ATAD2: variants seen among roughly 807,000 people sequenced by gnomAD.
The protein encoded by ATAD2 is ATPase family AAA domain-containing protein 2.
Under a neutral mutation model 168.9 loss-of-function variants are expected in ATAD2, and 62 were observed. The ratio of observed to expected loss-of-function variants is 0.37; its 90% confidence interval spans 0.30 to 0.45. The LOEUF is 0.45. Among genes scored for constraint, ATAD2 ranks in the 20% least tolerant of loss-of-function variants. ATAD2 has a pLI of 1.00. For missense variants in ATAD2, 1,419 were observed against 1,667.8 expected (o/e 0.85, Z 2.60); for synonymous variants, 613 against 571.6 (o/e 1.07, Z -1.03).
intron 19 of ATAD2, among the ~76,000 whole-genome samples, chr8:123,343,373 A>T (rs1335878204): frequency 2.0e-5 from 3 of 152,108 alleles, no homozygotes; most frequent in African/African-American, 7.2e-5. Flanking sequence ...TCTCCACAAT[A>T]ATAGTTAGTA....
chr8:123,387,989 G>A (rs929186164), intron 1 of ATAD2, among the ~76,000 whole-genome samples: 2 of 152,086 alleles, frequency 1.3e-5, no homozygotes, highest in Admixed American at 6.6e-5. Flanking sequence ...TCTAATACAT[G>A]ATATACATGT....
chr8:123,320,851 T>C lies in ATAD2; in HGVS notation c.*283A>G, dbSNP rs1253732141. 3 of 329,620 alleles carry C rather than the reference T, an allele frequency of 9.1e-6. No individual in the cohort carries two copies. Among genetic ancestry groups the C allele is most frequent in the African/African-American group, 6.5e-5 (3 of 46,080 alleles). The allele number at this position is 329,620 out of a possible 1,614,324, so 20.4% of individuals were successfully genotyped here. On this transcript the variant is annotated 3_prime_UTR_variant, in exon 28 of 28. Coordinates refer to ENST00000287394, the MANE Select transcript of ATAD2 (RefSeq NM_014109.4). ...AATTATTCTTAAGTGCCATAAAACA[T>C]TAGTTACCAAAATAACTTTATTAAG...
chr8:123,404,462 T>A (rs1015267009), intron 1 of ATAD2, among the ~76,000 whole-genome samples: 2 of 152,124 alleles, frequency 1.3e-5, no homozygotes, highest in Admixed American at 6.5e-5. Context: ...CTTCGGAGTT[T>A]CTTGGCTTGT....
At chr8:123,394,632 C>T (rs1741762591) in intron 1 of ATAD2, among the ~76,000 whole-genome samples, 1 of 151,418 alleles carries the variant, frequency 6.6e-6, no homozygotes, top group African/African-American at 2.4e-5. Flanking sequence ...GAGACTCTGT[C>T]TCGAAGAAAA....
At chr8:123,410,351 C>T (rs1481499956) in intron 1 of ATAD2, among the ~76,000 whole-genome samples, 2 of 152,002 alleles carry the variant, frequency 1.3e-5, no homozygotes, top group African/African-American at 4.8e-5. Flanking sequence ...CAATGGTGTA[C>T]TCTCAGCTCA....
chr8:123,326,547 A>G (rs1356775377), intron 25 of ATAD2, among the ~76,000 whole-genome samples: 1 of 151,992 alleles, frequency 6.6e-6, no homozygotes, highest in Non-Finnish European at 1.5e-5. Context: ...GCATGGTGGT[A>G]CATGCCTATA....
At chr8:123,385,304 TAA>T (rs140460459) in intron 1 of ATAD2, among the ~76,000 whole-genome samples, 1,814 of 152,118 alleles carry the variant, frequency 0.012, 39 homozygotes, top group African/African-American at 0.042. Context: ...AAATGCAAAT[TAA>T]AAGAGAGAAA....
At chr8:123,358,623 G>A (rs554596535) in intron 11 of ATAD2, among the ~76,000 whole-genome samples, 6 of 152,004 alleles carry the variant, frequency 3.9e-5, no homozygotes, top group African/African-American at 1.4e-4. Flanking sequence ...TGGGATTACA[G>A]GCATAAGCCA....
At chr8:123,373,788 CAAAA>C (rs11285869) in intron 2 of ATAD2, among the ~76,000 whole-genome samples, 7 of 72,864 alleles carry the variant, frequency 9.6e-5, no homozygotes, top group Admixed American at 1.6e-4. Context: ...CACCTCGCCT[CAAAA>C]AAAAAAAAAA....
At chr8:123,329,080 C>T (rs992088168) in intron 24 of ATAD2, among the ~76,000 whole-genome samples, 4 of 152,030 alleles carry the variant, frequency 2.6e-5, no homozygotes, top group Non-Finnish European at 5.9e-5. Flanking sequence ...GGATTACAAG[C>T]GTGAGCCACC....
intron 1 of ATAD2, among the ~76,000 whole-genome samples, chr8:123,392,680 G>C (rs1031694495): frequency 7.2e-5 from 11 of 151,966 alleles, no homozygotes; most frequent in African/African-American, 2.4e-4. Flanking sequence ...AGTATTTCCA[G>C]CAGAGGTATA....
chr8:123,334,438 C>T, intron 22 of ATAD2, 116 bp from the exon 23 acceptor site: 1 of 969,698 alleles, frequency 1.0e-6, no homozygotes, highest in Non-Finnish European at 1.4e-6. Flanking sequence ...TGACTTTTAC[C>T]AAGAATAGTC....
At chr8:123,350,866 A>G (rs578050481) in intron 13 of ATAD2, among the ~76,000 whole-genome samples, 1 of 151,038 alleles carries the variant, frequency 6.6e-6, no homozygotes, top group African/African-American at 2.4e-5. Flanking sequence ...CTGGGACTAC[A>G]GGCGCCCGCT....
upstream of ATAD2, among the ~76,000 whole-genome samples, chr8:123,399,806 A>G (rs962307314): frequency 6.6e-6 from 1 of 151,844 alleles, no homozygotes; most frequent in African/African-American, 2.4e-5. Context: ...GTGAGCCGAG[A>G]TTACGCCATT....
chr8:123,325,534 C>T (rs2131274366), intron 26 of ATAD2, among the ~76,000 whole-genome samples: 1 of 152,188 alleles, frequency 6.6e-6, no homozygotes, highest in Non-Finnish European at 1.5e-5. Context: ...GATCCGCCCA[C>T]CTCAGCCTCC....
intron 25 of ATAD2, among the ~76,000 whole-genome samples, chr8:123,327,511 TAAA>T (rs3082714): frequency 7.0e-6 from 1 of 142,438 alleles, no homozygotes. Context: ...TATCAGCCAC[TAAA>T]AAAAAAAAAG....
At chr8:123,392,974 G>A (rs912834279) in intron 1 of ATAD2, among the ~76,000 whole-genome samples, 2 of 152,092 alleles carry the variant, frequency 1.3e-5, no homozygotes, top group African/African-American at 2.4e-5. Context: ...CATGAAGTCA[G>A]GAGATCGAGA....
chr8:123,377,313 AT>A (rs1829348937), intron 2 of ATAD2, among the ~76,000 whole-genome samples: 1 of 151,944 alleles, frequency 6.6e-6, no homozygotes, highest in African/African-American at 2.4e-5. Context: ...AATTCAATAT[AT>A]TTTAGAAATA....
rs759802668 is a variant in ATAD2, at chr8:123,326,025, T to A, written c.3870A>T (p.Glu1290Asp). 1.1e-5 allele frequency: 17 copies of A among 1,612,782 alleles called. 1 individual carries two copies. In the East Asian group the frequency reaches 3.8e-4, roughly 36 times the overall value. ...CTCGAGTCATTCGCAGAACACACAT[T>A]TCTAGAATGAAAAATCAAATGATTA... ...IHISDENEGKEMCVLRMTRAR... is the reference protein window; with the variant it reads ...IHISDENEGKDMCVLRMTRAR... Residue 1290 changes from glutamate to aspartate, a missense_variant and splice_region_variant, in exon 26 of 28, where the codon GAA becomes GAT. Physicochemically the swap from Glu to Asp is conservative, Grantham distance 45 (BLOSUM62 2). Around this residue, in one of 5 missense-constraint regions of ATAD2, gnomAD observed 303 missense variants for 304.3 expected, o/e 1.00. Transcript: ENST00000287394.
Sources: allele counts gnomAD v4.1 joint callset (sites outside exome capture counted in the v4.1 genomes callset), GRCh38; gene constraint gnomAD v4.1.1; regional missense constraint gnomAD v4.1.1; transcripts MANE v1.5; gene names NCBI Gene and HGNC (gene_info 2026-07-23, HGNC 2026-07-21).